WDPCP: variants seen among roughly 807,000 people sequenced by gnomAD.
WDPCP encodes the protein WD repeat containing planar cell polarity effector.
Under a neutral mutation model 93.1 loss-of-function variants are expected in WDPCP, and 71 were observed. The observed-to-expected ratio is 0.76, with a 90% CI of 0.63 to 0.93. The LOEUF (loss-of-function observed/expected upper bound fraction) is 0.93. Among genes scored for constraint, WDPCP ranks in the 40% least tolerant of loss-of-function variants. The pLI, the probability that WDPCP is intolerant of heterozygous loss-of-function variation, is 0.00. For missense variants in WDPCP, 844 were observed against 887.4 expected (o/e 0.95, Z 0.62); for synonymous variants, 315 against 315.0 (o/e 1.00, Z 0.00).
chr2:63,562,196 G>A (rs1404789901), intron 1 of WDPCP, among the ~76,000 whole-genome samples: 2 of 152,138 alleles, frequency 1.3e-5, no homozygotes, highest in Non-Finnish European at 2.9e-5. Flanking sequence ...GCCATAAAAA[G>A]GAACAAGATC....
At chr2:63,216,598 T>C (rs1275436921) in intron 14 of WDPCP, among the ~76,000 whole-genome samples, 4 of 151,936 alleles carry the variant, frequency 2.6e-5, no homozygotes, top group Admixed American at 1.3e-4. Context: ...TTAGGAGACA[T>C]ACCTAATGTA....
chr2:63,266,924 T>G (rs1682180023), intron 13 of WDPCP, among the ~76,000 whole-genome samples: 1 of 152,184 alleles, frequency 6.6e-6, no homozygotes, highest in Non-Finnish European at 1.5e-5. Context: ...ATGTACTAAT[T>G]CATTGCAATT....
chr2:63,727,563 A>T (rs1411257092), intron 2 of WDPCP, among the ~76,000 whole-genome samples: 1 of 152,208 alleles, frequency 6.6e-6, no homozygotes, highest in African/African-American at 2.4e-5. Flanking sequence ...TGTTGGCCTC[A>T]TAGAATGAGT....
At position 63,437,869 on chromosome 2, in the gene WDPCP, T is replaced by C. The variant is rs1270236136; in HGVS notation, c.500-315A>G. 5 of 1,598,692 alleles carry C rather than the reference T, an allele frequency of 3.1e-6. No homozygotes were observed. The African/African-American group carries it at 5.4e-5, about 17-fold the overall frequency. Reference sequence around the variant, plus strand: ...TAAAAAACTATTTCGCACCTGAATGTAGAGACGAAAACATTCCATTTTATT... The same window carrying C: ...TAAAAAACTATTTCGCACCTGAATGCAGAGACGAAAACATTCCATTTTATT... On this transcript the variant is annotated intron_variant, in intron 7 of 17. Coordinates refer to ENST00000272321, the MANE Select transcript of WDPCP (RefSeq NM_015910.7).
chr2:63,206,133 C>T (rs1676319878), intron 14 of WDPCP, among the ~76,000 whole-genome samples: 2 of 152,250 alleles, frequency 1.3e-5, no homozygotes, highest in Non-Finnish European at 1.5e-5. Flanking sequence ...ATTCATTGAT[C>T]TGTGTATTTT....
In WDPCP at chr2:63,378,658, G is replaced by C; in HGVS notation, c.1625-149C>G. On this transcript the variant is annotated intron_variant, in intron 11 of 17. Transcript: ENST00000272321. ...AGATAAAATTAAAATATGACAGCTG[G>C]TACAAAAACAAACCTGTGTATAAAC... The C allele has an allele frequency of 7.2e-6, 8 of 1,107,714 alleles. 1 individual carries two copies. The South Asian group carries it at 1.1e-4, about 15-fold the overall frequency. The allele number at this position is 1,107,714 out of a possible 1,614,324, so 68.6% of individuals were successfully genotyped here.
chr2:63,366,201 A>G lies in WDPCP; in HGVS notation c.1748+12185T>C, dbSNP rs1252447872. On this transcript the variant is annotated intron_variant, in intron 12 of 17. Coordinates refer to ENST00000272321, the MANE Select transcript of WDPCP (RefSeq NM_015910.7). The stretch of plus-strand genomic sequence containing the variant: ...TTTTGTTTCAAAATATATATTGTCA[A>G]TGAAGGGCAGCATCACCTTCAAGGG... Among the ~76,000 whole-genome samples, 6 of 152,166 alleles carry G rather than the reference A, an allele frequency of 3.9e-5. No individual in the cohort carries two copies. In the East Asian group the frequency reaches 7.7e-4, roughly 20 times the overall value.
chr2:63,389,093 A>G (rs1246531564), intron 10 of WDPCP, among the ~76,000 whole-genome samples: 2 of 152,182 alleles, frequency 1.3e-5, no homozygotes, highest in Admixed American at 6.5e-5. Flanking sequence ...AAGACACATA[A>G]TCGTCAGATT....
At chr2:63,265,068 T>C (rs1681983556) in intron 13 of WDPCP, among the ~76,000 whole-genome samples, 1 of 151,584 alleles carries the variant, frequency 6.6e-6, no homozygotes, top group Admixed American at 6.6e-5. Context: ...CCTAAGAGAG[T>C]ATATGGTAAA....
chr2:63,764,029 T>C (rs1417656599), intron 2 of WDPCP, among the ~76,000 whole-genome samples: 1 of 152,182 alleles, frequency 6.6e-6, no homozygotes, highest in Non-Finnish European at 1.5e-5. Flanking sequence ...TAGTTATTGT[T>C]ATTACTTTTT....
At chr2:63,669,170 T>C (rs1467277062) in intron 2 of WDPCP, among the ~76,000 whole-genome samples, 1 of 152,160 alleles carries the variant, frequency 6.6e-6, no homozygotes, top group Admixed American at 6.5e-5. Context: ...GATTCGTCAT[T>C]AGCTTCTCTG....
chr2:63,352,491 C>T (rs1279059672), intron 12 of WDPCP, among the ~76,000 whole-genome samples: 1 of 152,012 alleles, frequency 6.6e-6, no homozygotes, highest in African/African-American at 2.4e-5. Flanking sequence ...ATGTTGAGTG[C>T]CGATACTTTA....
intron 9 of WDPCP, among the ~76,000 whole-genome samples, chr2:63,422,273 A>G (rs992543686): frequency 1.3e-5 from 2 of 152,180 alleles, no homozygotes; most frequent in Non-Finnish European, 2.9e-5. Flanking sequence ...TACAAAAAGA[A>G]CAGCCAACCT....
intron 2 of WDPCP, among the ~76,000 whole-genome samples, chr2:63,660,428 T>C (rs1710213995): frequency 6.6e-6 from 1 of 152,090 alleles, no homozygotes; most frequent in Non-Finnish European, 1.5e-5. Flanking sequence ...TTACAGAGAG[T>C]AGGAGAAGAG....
chr2:63,217,180 A>G (rs976794276), intron 14 of WDPCP, among the ~76,000 whole-genome samples: 11 of 152,208 alleles, frequency 7.2e-5, no homozygotes, highest in Non-Finnish European at 7.3e-5. Context: ...TAATGGTTGG[A>G]AAAACATCAA....
Position 63,508,166 on chromosome 2 carries a change from C to A in WDPCP, c.76-15226G>T, listed in dbSNP as rs542989387. On this transcript the variant is annotated intron_variant, in intron 1 of 17. Coordinates refer to ENST00000272321, the MANE Select transcript of WDPCP (RefSeq NM_015910.7). ...ACCAAGGTTGAAATGAGGGAAAAAA[C>A]GTTAAGGGAAGCCAAACAGAAAGGT... Among the ~76,000 whole-genome samples the A allele has an allele frequency of 2.6e-4, 39 of 152,082 alleles. No homozygotes were observed. In the South Asian group the frequency reaches 7.7e-3, roughly 30 times the overall value.
intron 2 of WDPCP, among the ~76,000 whole-genome samples, chr2:63,705,426 T>A (rs922607371): frequency 3.3e-5 from 5 of 152,230 alleles, no homozygotes; most frequent in Non-Finnish European, 5.9e-5. Context: ...CTTTCTCTTG[T>A]GGGCATTTAG....
chr2:63,136,790 T>G (rs900327155), intron 17 of WDPCP, among the ~76,000 whole-genome samples: 1 of 152,112 alleles, frequency 6.6e-6, no homozygotes, highest in Non-Finnish European at 1.5e-5. Flanking sequence ...TAGCTCCCAC[T>G]TGTAAGTGAG....
At chr2:63,456,318 G>A (rs1473404889) in intron 6 of WDPCP, among the ~76,000 whole-genome samples, 1 of 152,160 alleles carries the variant, frequency 6.6e-6, no homozygotes, top group Non-Finnish European at 1.5e-5. Context: ...TTGGGAGGCT[G>A]AAGTGGGAGG....
Sources: allele counts gnomAD v4.1 joint callset (sites outside exome capture counted in the v4.1 genomes callset), GRCh38; gene constraint gnomAD v4.1.1; transcripts MANE v1.5; gene names NCBI Gene and HGNC (gene_info 2026-07-23, HGNC 2026-07-21).